SLC19A1: variants seen among roughly 807,000 people sequenced by gnomAD.
The protein encoded by SLC19A1 is solute carrier family 19 member 1, also known as reduced folate transporter.
SLC19A1 carries 37 observed loss-of-function variants against 35.3 expected under a neutral mutation model. The observed-to-expected ratio is 1.05, with a 90% CI of 0.81 to 1.38. The LOEUF (loss-of-function observed/expected upper bound fraction) is 1.38. SLC19A1 is among the 40% of genes most tolerant of loss of function. The pLI, the probability that SLC19A1 is intolerant of heterozygous loss-of-function variation, is 0.00. For synonymous variants in SLC19A1, 460 were observed against 398.5 expected (o/e 1.15, Z -1.84); for missense variants, 831 against 826.9 (o/e 1.00, Z -0.06).
chr21:45,504,285 A>C (rs564033423), intron 3 of SLC19A1: 1 of 978,738 alleles, frequency 1.0e-6, no homozygotes, highest in African/African-American at 1.6e-5. Flanking sequence ...GCCCTATTCT[A>C]TGCAGCCAGC....
At chr21:45,560,535 C>CCCCCGCTAGGGTGCCCACGGTGGCGCCCA (rs1176273303) in intron 1 of SLC19A1, among the ~76,000 whole-genome samples, 1 of 151,002 alleles carries the variant, frequency 6.6e-6, no homozygotes, top group African/African-American at 2.5e-5. Flanking sequence ...GGCACTGGCA[C>CCCCCGCTAGGGTGCCCACGGTGGCGCCCA]CATGGTAGGA....
chr21:45,528,488 C>A (rs1602777833), intron 4 of SLC19A1, among the ~76,000 whole-genome samples: 1 of 152,244 alleles, frequency 6.6e-6, no homozygotes, highest in South Asian at 2.1e-4. Context: ...GGGAGCCCAG[C>A]CGGCCCGTCA....
chr21:45,551,110 G>GAAC (rs2078462161), intron 1 of SLC19A1, among the ~76,000 whole-genome samples: 1 of 151,090 alleles, frequency 6.6e-6, no homozygotes, highest in Non-Finnish European at 1.5e-5. Context: ...TTCTTTCAAG[G>GAAC]AACTACCTTT....
chr21:45,528,749 A>G (rs1055441155), intron 4 of SLC19A1, among the ~76,000 whole-genome samples: 7 of 152,194 alleles, frequency 4.6e-5, no homozygotes, highest in Non-Finnish European at 8.8e-5. Flanking sequence ...GACTTTACCC[A>G]TAGACTGGGG....
chr21:45,519,880 T>C (rs952820214), intron 5 of SLC19A1, among the ~76,000 whole-genome samples: 1 of 152,174 alleles, frequency 6.6e-6, no homozygotes, highest in Non-Finnish European at 1.5e-5. Context: ...GATCAGCATT[T>C]ACAGAACACT....
downstream of SLC19A1, chr21:45,509,703 C>T (rs1244981039): frequency 1.2e-5 from 9 of 776,984 alleles, no homozygotes; most frequent in Middle Eastern, 3.3e-4. Context: ...TCCCAGGCTT[C>T]GGCCATGGGT....
intron 1 of SLC19A1, among the ~76,000 whole-genome samples, chr21:45,555,160 C>CGGCGCGGGGGGCGGCGCG (rs1569031758): frequency 7.2e-5 from 3 of 41,824 alleles, no homozygotes; most frequent in Non-Finnish European, 8.4e-5. Context: ...CAGGGGGCGG[C>CGGCGCGGGGGGCGGCGCG]GGGGGCGGCG....
At chr21:45,546,341 C>T (rs539384101), upstream of SLC19A1, among the ~76,000 whole-genome samples, 122 of 152,400 alleles carry the variant, frequency 8.0e-4, no homozygotes, top group African/African-American at 2.8e-3. Context: ...CCCTCACAGC[C>T]TGTCACAGCC....
intron 2 of SLC19A1, among the ~76,000 whole-genome samples, chr21:45,535,246 T>C (rs2078069353): frequency 6.6e-6 from 1 of 152,192 alleles, no homozygotes; most frequent in African/African-American, 2.4e-5. Flanking sequence ...CCAGGCAACC[T>C]CAGTGCACCC....
At chr21:45,523,353 T>C (rs1315915802) in intron 5 of SLC19A1, among the ~76,000 whole-genome samples, 1 of 152,178 alleles carries the variant, frequency 6.6e-6, no homozygotes, top group Non-Finnish European at 1.5e-5. Flanking sequence ...CATGTGTTTT[T>C]TTTCTATGTG....
intron 3 of SLC19A1, chr21:45,507,067 G>A (rs1260969085): frequency 1.5e-5 from 5 of 341,630 alleles, no homozygotes; most frequent in African/African-American, 8.6e-5. Context: ...CGTGCTGGGA[G>A]GGCTGGGTGC....
chr21:45,531,382 T>C lies in SLC19A1; in HGVS notation c.949+7A>G, dbSNP rs1054865860. The C allele has an allele frequency of 1.2e-5, 19 of 1,566,364 alleles. No homozygotes were observed. The highest frequency in any genetic ancestry group is 1.6e-5 in the Non-Finnish European group (19 of 1,154,532). On this transcript the variant is annotated splice_region_variant and intron_variant, in intron 3 of 5. Transcript: ENST00000311124. ...GGAAGAAGCCTCGGGGACCAGGGCA[T>C]GCGTACCCAGCAGCGTGGAGGCAGC...
intron 1 of SLC19A1, among the ~76,000 whole-genome samples, chr21:45,554,825 T>C (rs1295561374): frequency 1.3e-5 from 2 of 151,888 alleles, no homozygotes; most frequent in Non-Finnish European, 2.9e-5. Flanking sequence ...TTTCGGTTTT[T>C]CCCATCTTAT....
At position 45,531,387 on chromosome 21, in the gene SLC19A1, A is replaced by T; in HGVS notation, c.949+2T>A. 1.9e-6 allele frequency: 3 copies of T among 1,573,482 alleles called. No homozygotes were observed. Among genetic ancestry groups the T allele is most frequent in the Non-Finnish European group, 2.6e-6 (3 of 1,158,214 alleles). On this transcript the variant is annotated splice_donor_variant, in intron 3 of 5. Coordinates refer to ENST00000311124, the MANE Select transcript of SLC19A1 (RefSeq NM_194255.4). LOFTEE classifies it high-confidence loss of function. ...AAGCCTCGGGGACCAGGGCATGCGTACCCAGCAGCGTGGAGGCAGCATCTG... is the reference window on the plus strand; with the variant it reads ...AAGCCTCGGGGACCAGGGCATGCGTTCCCAGCAGCGTGGAGGCAGCATCTG...
chr21:45,555,988 C>T (rs1377649558), intron 1 of SLC19A1, among the ~76,000 whole-genome samples: 3 of 152,204 alleles, frequency 2.0e-5, no homozygotes, highest in East Asian at 3.9e-4. Flanking sequence ...ACAGACGATC[C>T]TCTGAGGTTT....
Position 45,530,043 on chromosome 21 carries a change from AGT to A in SLC19A1, c.1151+725_1151+726del, listed in dbSNP as rs980102499. 2.4e-5 allele frequency among the ~76,000 whole-genome samples: 3 copies of A among 124,932 alleles called. No homozygotes were observed. The highest frequency in any genetic ancestry group is 9.6e-5 in the African/African-American group (3 of 31,324). 82.0% of individuals were successfully genotyped at this position (124,932 alleles called of 152,430 possible). A position where few individuals can be genotyped will look rare whatever the true frequency, so the allele number is the denominator to read the frequency against. On this transcript the variant is annotated intron_variant, in intron 4 of 5. Transcript: ENST00000311124. This position sits in a 1 kb window ranked among gnomAD's most constrained non-coding sequence, Gnocchi z 5.3. ...TGTAAGTATGTGATGCATTCATGTG[AGT>A]GTAGTGGGTGTCCATCTGTGAGCAT...
At chr21:45,553,625 C>T (rs867268565) in intron 1 of SLC19A1, among the ~76,000 whole-genome samples, 2 of 84,038 alleles carry the variant, frequency 2.4e-5, no homozygotes, top group Non-Finnish European at 4.9e-5. Flanking sequence ...CACCCCCAAT[C>T]CCCCCGCGCC....
At chr21:45,552,470 C>T (rs776601072) in intron 1 of SLC19A1, among the ~76,000 whole-genome samples, 1 of 152,156 alleles carries the variant, frequency 6.6e-6, no homozygotes, top group African/African-American at 2.4e-5. Flanking sequence ...GAGCGACACC[C>T]ACCCGGAGGC....
At chr21:45,539,917 C>T (rs2078250665) in intron 1 of SLC19A1, among the ~76,000 whole-genome samples, 2 of 152,152 alleles carry the variant, frequency 1.3e-5, no homozygotes, top group East Asian at 1.9e-4. Flanking sequence ...AAGATGGGAC[C>T]AGCACCCTCC....
Sources: allele counts gnomAD v4.1 joint callset (sites outside exome capture counted in the v4.1 genomes callset), GRCh38; gene constraint gnomAD v4.1.1; non-coding constraint Gnocchi (gnomAD v3.1); transcripts MANE v1.5; gene names NCBI Gene and HGNC (gene_info 2026-07-23, HGNC 2026-07-21).